Variants in RRAGB observed in about 807,000 individuals in gnomAD.
The protein encoded by RRAGB is ras-related GTP-binding protein B.
In RRAGB, 6 loss-of-function variants were observed where a neutral mutation model predicts 29.3. The ratio of observed to expected loss-of-function variants is 0.21; its 90% CI spans 0.11 to 0.40. RRAGB has a LOEUF of 0.40. Ranked by LOEUF, RRAGB falls within the 10% of genes least tolerant of loss-of-function variation. The pLI is 1.00. For missense variants in RRAGB, 184 were observed against 272.9 expected, an observed-to-expected ratio of 0.67 and a Z score of 2.29; for synonymous variants, 101 against 92.5, an observed-to-expected ratio of 1.09 and a Z score of -0.53.
intron 9 of RRAGB, 38 bp from the exon 10 acceptor site, chrX:55,758,208 T>C: frequency 1.0e-6 from 1 of 992,562 alleles, no homozygotes; most frequent in South Asian, 2.1e-5. Context: ...TGGCTGCCCA[T>C]ACTTAATTCT....
chrX:55,728,254 A>C (rs891927980), intron 3 of RRAGB, among the ~76,000 whole-genome samples: 1 of 112,152 alleles, frequency 8.9e-6, no homozygotes, highest in Non-Finnish European at 1.9e-5. Context: ...GGTAACCCAG[A>C]GTCCCCATTC....
intron 1 of RRAGB, 152 bp from the exon 2 acceptor site, chrX:55,719,162 A>G (rs2033167856): frequency 4.6e-6 from 2 of 432,853 alleles, no homozygotes; most frequent in Non-Finnish European, 3.8e-6. Context: ...GGAAAATGGG[A>G]CCTCTATTCA....
intron 6 of RRAGB, among the ~76,000 whole-genome samples, chrX:55,751,867 A>G (rs1367486848): frequency 9.0e-6 from 1 of 110,829 alleles, no homozygotes; most frequent in African/African-American, 3.3e-5. Flanking sequence ...CTACTGATCT[A>G]GTTATTTGAA....
At chrX:55,738,151 G>T (rs2033931094) in intron 5 of RRAGB, among the ~76,000 whole-genome samples, 1 of 112,550 alleles carries the variant, frequency 8.9e-6, no homozygotes, top group Admixed American at 9.3e-5. Context: ...GTGTGTCACA[G>T]ATTCTTCCAC....
intron 5 of RRAGB, among the ~76,000 whole-genome samples, chrX:55,741,756 C>G (rs2034082486): frequency 8.9e-6 from 1 of 111,883 alleles, no homozygotes; most frequent in South Asian, 3.7e-4. Flanking sequence ...AGAGGGTAAT[C>G]TTTACCCAGA....
intron 5 of RRAGB, among the ~76,000 whole-genome samples, chrX:55,745,084 C>G (rs2034203536): frequency 8.9e-6 from 1 of 112,061 alleles, no homozygotes; most frequent in Admixed American, 9.4e-5. Flanking sequence ...TAGAAGACCC[C>G]TGAGTTTTTG....
chrX:55,748,012 CG>C (rs1212325809), intron 5 of RRAGB, among the ~76,000 whole-genome samples: 1 of 112,478 alleles, frequency 8.9e-6, no homozygotes, highest in African/African-American at 3.2e-5. Context: ...CCATTGCAGG[CG>C]GGCGCCGCCA....
At position 55,753,588 on chromosome X, in the gene RRAGB, C is replaced by G. The variant is rs979521564; in HGVS notation, c.735+74C>G. The G allele has an allele frequency of 2.2e-5, 22 of 978,154 alleles. No individual in the cohort carries two copies. The East Asian group carries it at 6.5e-4, about 29-fold the overall frequency. 80.6% of individuals were successfully genotyped at this position (978,154 alleles called of 1,213,427 possible). On this transcript the variant is annotated intron_variant, in intron 7 of 9. Coordinates refer to ENST00000374941, the MANE Select transcript of RRAGB (RefSeq NM_006064.5). ...TTTTCAGCAACAGAGAACAGCATGT[C>G]ACTACTTTCAGGAAGAACCTTTTTC...
chrX:55,723,125 G>A (rs1206215910), intron 3 of RRAGB, among the ~76,000 whole-genome samples: 1 of 111,131 alleles, frequency 9.0e-6, no homozygotes, highest in Non-Finnish European at 1.9e-5. Flanking sequence ...AATTGGGGCA[G>A]CTTTGTTGTC....
chrX:55,721,510 G>A (rs752108293), intron 2 of RRAGB, among the ~76,000 whole-genome samples: 4 of 111,503 alleles, frequency 3.6e-5, no homozygotes, highest in Non-Finnish European at 5.7e-5. Context: ...CCTCCCAGAC[G>A]GCTGGGAACA....
chrX:55,724,910 C>G (rs1332674726), intron 3 of RRAGB, among the ~76,000 whole-genome samples: 1 of 111,624 alleles, frequency 9.0e-6, no homozygotes, highest in Non-Finnish European at 1.9e-5. Context: ...CTAGCTTACC[C>G]TCTGCTAACG....
chrX:55,753,874 G>A (rs886978299), intron 7 of RRAGB, among the ~76,000 whole-genome samples: 6 of 111,501 alleles, frequency 5.4e-5, no homozygotes, highest in Non-Finnish European at 1.1e-4. Flanking sequence ...GAGAAACCCC[G>A]TCTCTACCAA....
At chrX:55,722,082 A>G (rs772420243) in intron 2 of RRAGB, 104 bp from the exon 3 acceptor site, 110 of 440,587 alleles carry the variant, frequency 2.5e-4, no homozygotes, top group East Asian at 1.0e-3. Flanking sequence ...TGGTACTGTC[A>G]GTTCAGGAAA....
chrX:55,722,845 T>C lies in RRAGB; in HGVS notation c.226+560T>C, dbSNP rs757771455. Among the ~76,000 whole-genome samples the C allele has an allele frequency of 9.9e-5, 11 of 111,471 alleles. No individual in the cohort carries two copies. The Admixed American group carries it at 1.0e-3, about 11-fold the overall frequency. On this transcript the variant is annotated intron_variant, in intron 3 of 9. Transcript: ENST00000374941. ...TAGTTTGAGTGTTAGTATATACTAA[T>C]TGGGCTGCCATGGACAGTGAATGTA...
intron 5 of RRAGB, among the ~76,000 whole-genome samples, chrX:55,733,860 G>GT (rs2033770100): frequency 9.0e-6 from 1 of 110,877 alleles, no homozygotes; most frequent in Non-Finnish European, 1.9e-5. Context: ...TTTTGGGACA[G>GT]TTTCAGTTGG....
At chrX:55,750,503 A>C (rs1217771896) in intron 5 of RRAGB, among the ~76,000 whole-genome samples, 1 of 111,416 alleles carries the variant, frequency 9.0e-6, no homozygotes, top group South Asian at 3.8e-4. Context: ...TACTGTTTCA[A>C]ATGTTAATCT....
chrX:55,718,229 T>C lies in RRAGB; in HGVS notation c.-99T>C. 1.6e-6 allele frequency: 1 copy of C among 608,397 alleles called. No individual in the cohort carries two copies. The highest frequency in any genetic ancestry group is 3.7e-5 in the East Asian group (1 of 26,929). 50.1% of individuals were successfully genotyped at this position (608,397 alleles called of 1,213,427 possible). ...GCCTGAGGGCCATAGGCGATGAGAA[T>C]AGGCAGTTGAGGGGTGAAAAAGAAA... On this transcript the variant is annotated 5_prime_UTR_variant, in exon 1 of 10. Transcript: ENST00000374941.
chrX:55,720,410 A>C (rs1008737912), intron 2 of RRAGB, among the ~76,000 whole-genome samples: 7 of 112,343 alleles, frequency 6.2e-5, no homozygotes, highest in African/African-American at 2.3e-4. Context: ...TAGTGAGATA[A>C]AGTTATATAG....
intron 7 of RRAGB, 25 bp downstream of exon 7, chrX:55,753,539 G>A (rs187505276): frequency 2.5e-4 from 287 of 1,165,004 alleles, no homozygotes; most frequent in Non-Finnish European, 3.2e-4. Flanking sequence ...CTTTGCAGAT[G>A]TACTTCACAC....
Sources: gnomAD v4.1 joint callset for allele counts (sites outside exome capture counted in the v4.1 genomes callset) on GRCh38, gnomAD v4.1.1 for gene constraint, MANE v1.5 for transcripts, NCBI Gene and HGNC (gene_info 2026-07-23, HGNC 2026-07-21) for gene names.